BEND7: variants seen among roughly 807,000 people sequenced by gnomAD.
BEND7 encodes BEN domain containing 7.
In BEND7, 28 loss-of-function variants were observed where a neutral mutation model predicts 50.9. That is an observed-to-expected ratio of 0.55 (90% CI 0.41 to 0.75). The LOEUF is 0.75. Among genes scored for constraint, BEND7 ranks in the 30% least tolerant of loss-of-function variants. BEND7 has a pLI of 0.00. For missense variants in BEND7, 477 were observed against 491.3 expected (o/e 0.97, Z 0.28); for synonymous variants, 170 against 183.9 (o/e 0.92, Z 0.61).
At chr10:13,497,788 T>G (rs984327631) in intron 3 of BEND7, among the ~76,000 whole-genome samples, 2 of 152,196 alleles carry the variant, frequency 1.3e-5, no homozygotes, top group Non-Finnish European at 2.9e-5. Context: ...AGCGCTCACA[T>G]TGTCTCACAG....
In BEND7 at chr10:13,447,414, A is replaced by G. The variant is rs984560280; in HGVS notation, c.1184-98T>C. ...TGTAATTTTAAAAACTCCAGTATAC[A>G]TAACTGTTTTCACCATTCTTTTCTG... On this transcript the variant is annotated intron_variant, in intron 7 of 8. Transcript: ENST00000466271. 1.0e-5 allele frequency: 12 copies of G among 1,204,314 alleles called. No individual in the cohort carries two copies. In the Admixed American group the frequency reaches 1.2e-4, roughly 12 times the overall value. 74.6% of individuals were successfully genotyped at this position (1,204,314 alleles called of 1,614,324 possible).
intron 3 of BEND7, among the ~76,000 whole-genome samples, chr10:13,498,325 T>C (rs915007184): frequency 3.3e-5 from 5 of 152,150 alleles, no homozygotes; most frequent in Non-Finnish European, 5.9e-5. Flanking sequence ...AATCCACTCA[T>C]CTCGGCCTCC....
intron 5 of BEND7, among the ~76,000 whole-genome samples, chr10:13,491,873 GTTTAT>G (rs2076689510): frequency 1.3e-5 from 2 of 152,178 alleles, no homozygotes; most frequent in East Asian, 1.9e-4. Context: ...CCCCATTCTT[GTTTAT>G]TTTAAGAACT....
intron 6 of BEND7, among the ~76,000 whole-genome samples, chr10:13,470,525 A>G (rs1049453987): frequency 6.6e-6 from 1 of 152,196 alleles, no homozygotes; most frequent in Non-Finnish European, 1.5e-5. Context: ...GTTCCTGCCC[A>G]TTATGTGACA....
At chr10:13,494,233 A>G (rs890213346) in intron 4 of BEND7, among the ~76,000 whole-genome samples, 1 of 152,202 alleles carries the variant, frequency 6.6e-6, no homozygotes, top group Non-Finnish European at 1.5e-5. Flanking sequence ...CCTGGCCAAC[A>G]TGGTGAAACC....
intron 2 of BEND7, among the ~76,000 whole-genome samples, chr10:13,505,630 C>T (rs1005144385): frequency 6.6e-6 from 1 of 152,210 alleles, no homozygotes; most frequent in African/African-American, 2.4e-5. Flanking sequence ...TGACTGGGAG[C>T]CTGCCCCAAA....
chr10:13,526,513 C>A (rs1385666446), intron 1 of BEND7, among the ~76,000 whole-genome samples: 1 of 152,008 alleles, frequency 6.6e-6, no homozygotes, highest in Non-Finnish European at 1.5e-5. Flanking sequence ...GGCTTTTTTT[C>A]TTTGAGGTGG....
chr10:13,462,268 A>G (rs973937285), intron 6 of BEND7, among the ~76,000 whole-genome samples: 2 of 152,216 alleles, frequency 1.3e-5, no homozygotes, highest in African/African-American at 2.4e-5. Context: ...ACAGTTTAAC[A>G]TGGCTGGGGA....
chr10:13,490,703 T>C (rs1355355518), intron 5 of BEND7, among the ~76,000 whole-genome samples: 1 of 152,248 alleles, frequency 6.6e-6, no homozygotes, highest in Non-Finnish European at 1.5e-5. Context: ...AGGCCTCACC[T>C]GGACTTTCAC....
rs900223944 is a variant in BEND7, at chr10:13,499,914, C to T, written c.312G>A (p.Glu104=). 2 of 1,614,164 alleles carry T rather than the reference C, an allele frequency of 1.2e-6. No individual in the cohort carries two copies. The highest frequency in any genetic ancestry group is 1.7e-6 in the Non-Finnish European group (2 of 1,180,030). ...VWPPRLNSSA[E]APQSLHPSSR... is the part of the protein sequence containing the mutation. ...AAGACGGGTGGAGGCTTTGCGGGGC[C>T]TCAGCAGAGGAGTTCAAACGTGGAG... is the stretch of plus-strand genomic sequence containing the variant. The change falls in exon 3 of 9, where the codon GAG becomes GAA. Residue 104 remains glutamate (E), a synonymous_variant. Coordinates refer to ENST00000466271, the MANE Select transcript of BEND7 (RefSeq NM_001369863.1).
intron 7 of BEND7, among the ~76,000 whole-genome samples, chr10:13,449,015 A>G (rs893154301): frequency 1.3e-5 from 2 of 152,212 alleles, no homozygotes; most frequent in Middle Eastern, 3.4e-3. Context: ...AATATTTAAC[A>G]ACATAAAAAT....
upstream of BEND7, among the ~76,000 whole-genome samples, chr10:13,529,265 A>G (rs2079585281): frequency 6.7e-6 from 1 of 149,410 alleles, no homozygotes; most frequent in South Asian, 2.1e-4. Flanking sequence ...CCGCTCGCAG[A>G]CCCCGCTCGC....
intron 5 of BEND7, among the ~76,000 whole-genome samples, chr10:13,486,232 G>C (rs1352547553): frequency 6.6e-6 from 1 of 152,180 alleles, no homozygotes; most frequent in African/African-American, 2.4e-5. Flanking sequence ...GTCTCGCTTT[G>C]TTGCCCAGAC....
chr10:13,458,092 G>A (rs1052106007), intron 6 of BEND7, among the ~76,000 whole-genome samples: 39 of 152,230 alleles, frequency 2.6e-4, no homozygotes, highest in African/African-American at 7.5e-4. Flanking sequence ...GGCACAGGGC[G>A]TATGTTAAGT....
intron 5 of BEND7, among the ~76,000 whole-genome samples, chr10:13,487,238 A>G (rs2076283869): frequency 6.6e-6 from 1 of 152,130 alleles, no homozygotes; most frequent in Non-Finnish European, 1.5e-5. Context: ...CCCAGTTTGC[A>G]GTTGCAAAAA....
At chr10:13,483,908 A>T (rs2034673835) in intron 5 of BEND7, among the ~76,000 whole-genome samples, 1 of 152,104 alleles carries the variant, frequency 6.6e-6, no homozygotes, top group African/African-American at 2.4e-5. Context: ...GATTCAGGAG[A>T]CAGGTACAGC....
chr10:13,487,533 T>C (rs572070979), intron 5 of BEND7, among the ~76,000 whole-genome samples: 1 of 152,022 alleles, frequency 6.6e-6, no homozygotes, highest in African/African-American at 2.4e-5. Context: ...ATTACAGGCA[T>C]GCGCCACCAC....
rs201032751 is a variant in BEND7 at position 13,496,826 on chromosome 10, T to C, written c.511A>G (p.Thr171Ala). 70 of 1,613,582 alleles carry C rather than the reference T, an allele frequency of 4.3e-5. No homozygotes were observed. The highest frequency in any genetic ancestry group is 3.3e-4 in the Middle Eastern group (2 of 6,062). ...AGTTCTTGTAGAATGGCCTGCAACG[T>C]TGACTGGCAGTTACAAGTACAGCAG... ...SNCCTCNCQSTLQAILQELKT... is the reference protein window; with the variant it reads ...SNCCTCNCQSALQAILQELKT... The change falls in exon 4 of 9, where the codon ACG becomes GCG. Residue 171 changes from threonine to alanine, a missense_variant. Thr to Ala is a moderately conservative substitution (Grantham distance 58). Around this residue, in one of 3 missense-constraint regions of BEND7, gnomAD observed 396 missense variants for 384.2 expected, o/e 1.03. Coordinates refer to ENST00000466271, the MANE Select transcript of BEND7 (RefSeq NM_001369863.1).
At chr10:13,474,670 G>A (rs139384774) in intron 6 of BEND7, among the ~76,000 whole-genome samples, 258 of 152,270 alleles carry the variant, frequency 1.7e-3, no homozygotes, top group African/African-American at 5.9e-3. Flanking sequence ...GTTGGACTCC[G>A]GTCGATATCC....
Sources: gnomAD v4.1 joint callset for allele counts (sites outside exome capture counted in the v4.1 genomes callset) on GRCh38, gnomAD v4.1.1 for gene constraint, gnomAD v4.1.1 regional missense constraint, MANE v1.5 for transcripts, NCBI Gene and HGNC (gene_info 2026-07-23, HGNC 2026-07-21) for gene names.